CDK3: variants seen among roughly 807,000 people sequenced by gnomAD.
CDK3 encodes cyclin dependent kinase 3.
Under a neutral mutation model 30.2 loss-of-function variants are expected in CDK3, and 24 were observed. The observed-to-expected ratio is 0.79, with a 90% CI of 0.57 to 1.12. The LOEUF (loss-of-function observed/expected upper bound fraction) is 1.12, where lower values mean the gene tolerates loss of function less well. CDK3 is among the 50% of genes most tolerant of loss of function. The pLI, the probability that CDK3 is intolerant of heterozygous loss-of-function variation, is 0.00. For synonymous variants in CDK3, 158 were observed against 154.2 expected, an observed-to-expected ratio of 1.02 and a Z score of -0.18; for missense variants, 345 against 376.0, an observed-to-expected ratio of 0.92 and a Z score of 0.68.
In CDK3 at chr17:76,005,209, C is replaced by T. The variant is rs1482746450; in HGVS notation, c.793-89C>T. 2 of 1,524,766 alleles carry T rather than the reference C, an allele frequency of 1.3e-6. No individual in the cohort carries two copies. Among genetic ancestry groups the T allele is most frequent in the Non-Finnish European group, 1.8e-6 (2 of 1,130,650 alleles). 94.5% of individuals were successfully genotyped at this position (1,524,766 alleles called of 1,614,324 possible). A position where few individuals can be genotyped will look rare whatever the true frequency, so the allele number is the denominator to read the frequency against. On this transcript the variant is annotated intron_variant, in intron 7 of 7. Transcript: ENST00000448471. This position sits in a 1 kb window ranked among gnomAD's most constrained non-coding sequence, Gnocchi z 4.7. ...GGTTTGAGGGCAGCCAATTTGGGGC[C>T]CAGGCCCTTGATCTGGGACCTGGGA...
In CDK3 at chr17:76,001,663, T is replaced by C; in HGVS notation, c.116+122T>C. On this transcript the variant is annotated intron_variant, in intron 2 of 7. Transcript: ENST00000448471. The surrounding 1 kb of genome is among the most constrained non-coding windows in gnomAD (Gnocchi z 6.2). ...TCCTCTGGGTGCTGCCCAGCAGCCCTTACCTGTCCTCTCCCCAGTTCACTG... is the reference window on the plus strand; with the variant it reads ...TCCTCTGGGTGCTGCCCAGCAGCCCCTACCTGTCCTCTCCCCAGTTCACTG... 1 of 922,886 alleles carries C rather than the reference T, an allele frequency of 1.1e-6. No individual in the cohort carries two copies. Among genetic ancestry groups the C allele is most frequent in the Non-Finnish European group, 1.7e-6 (1 of 605,374 alleles). The allele number at this position is 922,886 out of a possible 1,614,324, so 57.2% of individuals were successfully genotyped here. A position where few individuals can be genotyped will look rare whatever the true frequency, so the allele number is the denominator to read the frequency against.
Position 76,002,986 on chromosome 17 carries a change from G to T in CDK3, c.589-209G>T. 1.7e-6 allele frequency: 1 copy of T among 601,110 alleles called. No individual in the cohort carries two copies. The highest frequency in any genetic ancestry group is 2.8e-5 in the East Asian group (1 of 35,702). 37.2% of individuals were successfully genotyped at this position (601,110 alleles called of 1,614,324 possible). ...CACTCTAGCCTGGGTGACAGAGCAA[G>T]ACTCCGTCTCTATTTTTTAAAAAAA... On this transcript the variant is annotated intron_variant, in intron 6 of 7. Coordinates refer to ENST00000448471, the MANE Select transcript of CDK3 (RefSeq NM_001258.4). The surrounding 1 kb of genome is among the most constrained non-coding windows in gnomAD (Gnocchi z 4.3).
In CDK3 at chr17:76,001,546, G is replaced by T. The variant is rs2066258922; in HGVS notation, c.116+5G>T. The stretch of plus-strand genomic sequence containing the variant: ...GAAGAAGATCAGACTGGATTTGTGA[G>T]TGCTGGGACGGCCCCTGAGTTACCC... On this transcript the variant is annotated splice_donor_5th_base_variant and intron_variant, in intron 2 of 7. Transcript: ENST00000448471. The surrounding 1 kb of genome is among the most constrained non-coding windows in gnomAD (Gnocchi z 6.2). 2 of 1,612,294 alleles carry T rather than the reference G, an allele frequency of 1.2e-6. No individual in the cohort carries two copies. Among genetic ancestry groups the T allele is most frequent in the African/African-American group, 2.7e-5 (2 of 75,000 alleles).
Position 76,002,017 on chromosome 17 carries a change from G to A in CDK3, c.195-5G>A. On this transcript the variant is annotated splice_polypyrimidine_tract_variant and splice_region_variant and intron_variant, in intron 3 of 7. Transcript: ENST00000448471. The surrounding 1 kb of genome is among the most constrained non-coding windows in gnomAD (Gnocchi z 4.3). Reference sequence around the variant, plus strand: ...GTAGCATCCTGACTGCCATCTCCCTGTCAGACTGCTGGACGTGGTGCACAA... The same window carrying A: ...GTAGCATCCTGACTGCCATCTCCCTATCAGACTGCTGGACGTGGTGCACAA... 1 of 1,614,094 alleles carries A rather than the reference G, an allele frequency of 6.2e-7. No individual in the cohort carries two copies. Among genetic ancestry groups the A allele is most frequent in the Middle Eastern group, 1.6e-4 (1 of 6,062 alleles).
rs528970313 is a variant in CDK3 at position 76,001,768 on chromosome 17, G to T, written c.117-106G>T. The T allele has an allele frequency of 6.2e-6, 7 of 1,132,940 alleles. No homozygotes were observed. The South Asian group carries it at 9.2e-5, about 15-fold the overall frequency. 70.2% of individuals were successfully genotyped at this position (1,132,940 alleles called of 1,614,324 possible). ...CCAAGGAGCACAGGTCTCCATTGCC[G>T]GGGCCCTGGTCATTCTGTGGGGTTA... On this transcript the variant is annotated intron_variant, in intron 2 of 7. Coordinates refer to ENST00000448471, the MANE Select transcript of CDK3 (RefSeq NM_001258.4). The surrounding 1 kb of genome is among the most constrained non-coding windows in gnomAD (Gnocchi z 6.2).
chr17:76,005,736 C>T lies in CDK3; in HGVS notation c.*313C>T, dbSNP rs146555944. 1.6e-4 allele frequency: 44 copies of T among 273,690 alleles called. No individual in the cohort carries two copies. Among genetic ancestry groups the T allele is most frequent in the Non-Finnish European group, 2.7e-4 (39 of 144,650 alleles). 17.0% of individuals were successfully genotyped at this position (273,690 alleles called of 1,614,324 possible). On this transcript the variant is annotated 3_prime_UTR_variant, in exon 8 of 8. Transcript: ENST00000448471. This position sits in a 1 kb window ranked among gnomAD's most constrained non-coding sequence, Gnocchi z 4.7. Reference sequence around the variant, plus strand: ...CTGGGTGTGGGTATTCAGGCCCTCACCTGCCCTGCCTGCAGGGCCAGACCC... The same window carrying T: ...CTGGGTGTGGGTATTCAGGCCCTCATCTGCCCTGCCTGCAGGGCCAGACCC...
At position 76,003,369 on chromosome 17, in the gene CDK3, C is replaced by T; in HGVS notation, c.763C>T (p.Leu255=). 1 of 1,613,858 alleles carries T rather than the reference C, an allele frequency of 6.2e-7. No homozygotes were observed. Among genetic ancestry groups the T allele is most frequent in the South Asian group, 1.1e-5 (1 of 91,068 alleles). The change falls in exon 7 of 8, where the codon CTG becomes TTG. Residue 255 remains leucine, a synonymous_variant. Coordinates refer to ENST00000448471, the MANE Select transcript of CDK3 (RefSeq NM_001258.4). Reference sequence around the variant, plus strand: ...GGGACTGGAAGAGATTGTGCCCAATCTGGAGCCAGAGGGCAGGGACCTGCT... The same window carrying T: ...GGGACTGGAAGAGATTGTGCCCAATTTGGAGCCAGAGGGCAGGGACCTGCT... The part of the protein sequence containing the change: ...RKGLEEIVPN[L]EPEGRDLLMQ...
chr17:76,005,079 T>C lies in CDK3; in HGVS notation c.793-219T>C, dbSNP rs1157995535. Among the ~76,000 whole-genome samples, 3 of 152,084 alleles carry C rather than the reference T, an allele frequency of 2.0e-5. No homozygotes were observed. The highest frequency in any genetic ancestry group is 1.5e-5 in the Non-Finnish European group (1 of 67,990). On this transcript the variant is annotated intron_variant, in intron 7 of 7. Transcript: ENST00000448471. The surrounding 1 kb of genome is among the most constrained non-coding windows in gnomAD (Gnocchi z 4.7). ...TCCCCGAGAAGGGGGGTGACTCAGC[T>C]TCAGTGGCCTGAGGAGACCTGGGTG...
At chr17:76,003,513 T>G (rs966884834) in intron 7 of CDK3, 115 bp downstream of exon 7, 3 of 774,676 alleles carry the variant, frequency 3.9e-6, no homozygotes, top group Non-Finnish European at 6.3e-6. Context: ...TTCCTGACCT[T>G]TGTACACAAC....
rs1246487558 is a variant in CDK3 at position 76,001,281 on chromosome 17, C to G, written c.-14-131C>G. On this transcript the variant is annotated intron_variant, in intron 1 of 7. Transcript: ENST00000448471. This position sits in a 1 kb window ranked among gnomAD's most constrained non-coding sequence, Gnocchi z 6.2. ...GCAGGATGAGCTGGGGTTGGGGTGG[C>G]TAGGCCGTGGGCCTTGGGAGCTGGG... The G allele has an allele frequency of 6.6e-7, 1 of 1,513,878 alleles. No homozygotes were observed. The highest frequency in any genetic ancestry group is 1.4e-5 in the African/African-American group (1 of 72,016). The allele number at this position is 1,513,878 out of a possible 1,614,324, so 93.8% of individuals were successfully genotyped here.
Position 76,002,234 on chromosome 17 carries a change from G to A in CDK3, c.316-14G>A, listed in dbSNP as rs755004179. On this transcript the variant is annotated splice_polypyrimidine_tract_variant and intron_variant, in intron 4 of 7. Transcript: ENST00000448471. This position sits in a 1 kb window ranked among gnomAD's most constrained non-coding sequence, Gnocchi z 4.3. ...CTCCGCTCAGCTGGCTGCACCTCGC[G>A]CTCGTTTCTCCAGAGCTACCTCTTC... 4.5e-5 allele frequency: 73 copies of A among 1,611,874 alleles called. No homozygotes were observed. Among genetic ancestry groups the A allele is most frequent in the Non-Finnish European group, 5.8e-5 (68 of 1,179,676 alleles).
In CDK3 at chr17:76,005,297, G is replaced by A; in HGVS notation, c.793-1G>A. On this transcript the variant is annotated splice_acceptor_variant, in intron 7 of 7. Transcript: ENST00000448471. LOFTEE classifies it high-confidence loss of function. The surrounding 1 kb of genome is among the most constrained non-coding windows in gnomAD (Gnocchi z 4.7). ...ACATCTTCTTCCTTCTTTCTTCCTA[G>A]CAACTCCTGCAGTATGACCCCAGCC... The A allele has an allele frequency of 6.2e-7, 1 of 1,613,320 alleles. No homozygotes were observed. The highest frequency in any genetic ancestry group is 1.1e-5 in the South Asian group (1 of 91,022).
chr17:76,001,744 CAAG>C lies in CDK3; in HGVS notation c.117-129_117-127del, dbSNP rs2066261813. 2 of 983,306 alleles carry C rather than the reference CAAG, an allele frequency of 2.0e-6. No individual in the cohort carries two copies. Among genetic ancestry groups the C allele is most frequent in the Non-Finnish European group, 3.0e-6 (2 of 671,648 alleles). 60.9% of individuals were successfully genotyped at this position (983,306 alleles called of 1,614,324 possible). A position where few individuals can be genotyped will look rare whatever the true frequency, so the allele number is the denominator to read the frequency against. ...CTGTGGAGTTTGGTGGATGACGTGCCAAGGAGCACAGGTCTCCATTGCCGGGGC... is the reference window on the plus strand; with the variant it reads ...CTGTGGAGTTTGGTGGATGACGTGCCGAGCACAGGTCTCCATTGCCGGGGC... On this transcript the variant is annotated intron_variant, in intron 2 of 7. Transcript: ENST00000448471. The surrounding 1 kb of genome is among the most constrained non-coding windows in gnomAD (Gnocchi z 6.2).
rs1328797347 is a variant in CDK3 at position 76,005,295 on chromosome 17, T to A, written c.793-3T>A. On this transcript the variant is annotated splice_polypyrimidine_tract_variant and splice_region_variant and intron_variant, in intron 7 of 7. Coordinates refer to ENST00000448471, the MANE Select transcript of CDK3 (RefSeq NM_001258.4). This position sits in a 1 kb window ranked among gnomAD's most constrained non-coding sequence, Gnocchi z 4.7. The stretch of plus-strand genomic sequence containing the variant: ...CCACATCTTCTTCCTTCTTTCTTCC[T>A]AGCAACTCCTGCAGTATGACCCCAG... 17 of 1,613,330 alleles carry A rather than the reference T, an allele frequency of 1.1e-5. No homozygotes were observed. Among genetic ancestry groups the A allele is most frequent in the Non-Finnish European group, 1.4e-5 (17 of 1,179,596 alleles).
intron 7 of CDK3, among the ~76,000 whole-genome samples, chr17:76,004,215 GTCTGT>G (rs2066288265): frequency 2.9e-5 from 1 of 35,004 alleles, no homozygotes; most frequent in African/African-American, 2.3e-4. Flanking sequence ...TGGCAGAACC[GTCTGT>G]TTTTTTTTTT....
chr17:76,002,153 A>G lies in CDK3; in HGVS notation c.315+11A>G, dbSNP rs1375570774. The G allele has an allele frequency of 6.2e-7, 1 of 1,613,808 alleles. No homozygotes were observed. Among genetic ancestry groups the G allele is most frequent in the Admixed American group, 1.7e-5 (1 of 59,996 alleles). Reference sequence around the variant, plus strand: ...CTGCACCTCATCAAGGTAGGGAAGGAAGGGCAGGGAAGGAGAGGTGACACC... The same window carrying G: ...CTGCACCTCATCAAGGTAGGGAAGGGAGGGCAGGGAAGGAGAGGTGACACC... On this transcript the variant is annotated intron_variant, in intron 4 of 7. Coordinates refer to ENST00000448471, the MANE Select transcript of CDK3 (RefSeq NM_001258.4). This position sits in a 1 kb window ranked among gnomAD's most constrained non-coding sequence, Gnocchi z 4.3.
chr17:76,001,005 A>T lies in CDK3; in HGVS notation c.-15+38A>T. 2 of 1,105,330 alleles carry T rather than the reference A, an allele frequency of 1.8e-6. No homozygotes were observed. Among genetic ancestry groups the T allele is most frequent in the Non-Finnish European group, 2.2e-6 (2 of 899,672 alleles). 68.5% of individuals were successfully genotyped at this position (1,105,330 alleles called of 1,614,324 possible). On this transcript the variant is annotated intron_variant, in intron 1 of 7. Coordinates refer to ENST00000448471, the MANE Select transcript of CDK3 (RefSeq NM_001258.4). The surrounding 1 kb of genome is among the most constrained non-coding windows in gnomAD (Gnocchi z 6.2). ...GGTCTTGCCCTCTAAGGCCCGGCAC[A>T]AGTGAGAGGCCTGGGGGTCCATGTT... is the stretch of plus-strand genomic sequence containing the variant.
intron 7 of CDK3, among the ~76,000 whole-genome samples, 156 bp downstream of exon 7, chr17:76,003,554 A>C (rs1032623847): frequency 8.5e-5 from 13 of 152,196 alleles, no homozygotes; most frequent in Non-Finnish European, 1.8e-4. Flanking sequence ...TTCAACCCGG[A>C]AGCCTCCCCC....
In CDK3 at chr17:76,002,014, C is replaced by T. The variant is rs1598221385; in HGVS notation, c.195-8C>T. 1 of 1,614,020 alleles carries T rather than the reference C, an allele frequency of 6.2e-7. No homozygotes were observed. Among genetic ancestry groups the T allele is most frequent in the Non-Finnish European group, 8.5e-7 (1 of 1,180,006 alleles). On this transcript the variant is annotated splice_polypyrimidine_tract_variant and splice_region_variant and intron_variant, in intron 3 of 7. Coordinates refer to ENST00000448471, the MANE Select transcript of CDK3 (RefSeq NM_001258.4). This position sits in a 1 kb window ranked among gnomAD's most constrained non-coding sequence, Gnocchi z 4.3. ...AAGGTAGCATCCTGACTGCCATCTC[C>T]CTGTCAGACTGCTGGACGTGGTGCA...
Sources: gnomAD v4.1 joint callset for allele counts (sites outside exome capture counted in the v4.1 genomes callset) on GRCh38, gnomAD v4.1.1 for gene constraint, Gnocchi (gnomAD v3.1) non-coding constraint, MANE v1.5 for transcripts, NCBI Gene and HGNC (gene_info 2026-07-23, HGNC 2026-07-21) for gene names.